RASGRF2: variants seen among roughly 807,000 people sequenced by gnomAD.
RASGRF2 encodes the protein Ras protein specific guanine nucleotide releasing factor 2, also known as ras-specific guanine nucleotide-releasing factor 2.
A neutral mutation model predicts 151.0 loss-of-function variants in RASGRF2; 76 were observed. The observed-to-expected ratio is 0.50, with a 90% CI of 0.42 to 0.61. The LOEUF (loss-of-function observed/expected upper bound fraction) is 0.61, where lower values mean the gene tolerates loss of function less well. Ranked by LOEUF, RASGRF2 falls within the 20% of genes least tolerant of loss-of-function variation. RASGRF2 has a pLI of 0.00. For synonymous variants in RASGRF2, 504 were observed against 566.5 expected, an observed-to-expected ratio of 0.89 and a Z score of 1.57; for missense variants, 1,148 against 1,564.6, an observed-to-expected ratio of 0.73 and a Z score of 4.49.
At chr5:81,085,721 G>A (rs376160182) in intron 7 of RASGRF2, 81 bp from the exon 8 acceptor site, 5 of 1,559,308 alleles carry the variant, frequency 3.2e-6, no homozygotes, top group East Asian at 4.6e-5. Flanking sequence ...CAAGCTTCTC[G>A]AAGCAATGAT....
intron 17 of RASGRF2, among the ~76,000 whole-genome samples, chr5:81,154,050 TA>T (rs1425510969): frequency 3.3e-5 from 5 of 151,800 alleles, no homozygotes; most frequent in Admixed American, 6.6e-5. Flanking sequence ...AACAGAGCCC[TA>T]AATACACGAA....
In RASGRF2 at chr5:80,960,674, C is replaced by G; in HGVS notation, c.-65C>G. On this transcript the variant is annotated 5_prime_UTR_variant, in exon 1 of 27. Transcript: ENST00000265080. This position sits in a 1 kb window ranked among gnomAD's most constrained non-coding sequence, Gnocchi z 5.5. Reference sequence around the variant, plus strand: ...GCGGTCGCGCCCTCGAGGGAGCCAGCTGGGCCATGGCCGCGAGGCAGGGGT... The same window carrying G: ...GCGGTCGCGCCCTCGAGGGAGCCAGGTGGGCCATGGCCGCGAGGCAGGGGT... 2.2e-6 allele frequency: 3 copies of G among 1,340,076 alleles called. No homozygotes were observed. The allele number at this position is 1,340,076 out of a possible 1,614,324, so 83.0% of individuals were successfully genotyped here. A position where few individuals can be genotyped will look rare whatever the true frequency, so the allele number is the denominator to read the frequency against.
chr5:81,131,851 C>A (rs1753629847), intron 17 of RASGRF2, among the ~76,000 whole-genome samples: 1 of 152,166 alleles, frequency 6.6e-6, no homozygotes, highest in African/African-American at 2.4e-5. Context: ...AATGTGGTAA[C>A]CTTTCAGGGA....
chr5:81,199,527 C>T (rs1167194011), intron 18 of RASGRF2, among the ~76,000 whole-genome samples: 1 of 152,286 alleles, frequency 6.6e-6, no homozygotes. Flanking sequence ...TTCTCTAATA[C>T]ACTTCATTCA....
At chr5:80,973,472 A>T (rs1359748009) in intron 1 of RASGRF2, among the ~76,000 whole-genome samples, 2 of 152,162 alleles carry the variant, frequency 1.3e-5, no homozygotes, top group Non-Finnish European at 2.9e-5. Context: ...ATAATTCCTT[A>T]GTCACACCTA....
At chr5:81,020,692 G>T (rs1382877149) in intron 1 of RASGRF2, among the ~76,000 whole-genome samples, 1 of 152,192 alleles carries the variant, frequency 6.6e-6, no homozygotes, top group East Asian at 1.9e-4. Context: ...GAGTCCTGGT[G>T]TTACATTTCA....
At chr5:81,102,697 A>C (rs62367272) in intron 12 of RASGRF2, among the ~76,000 whole-genome samples, 5 of 132,100 alleles carry the variant, frequency 3.8e-5, no homozygotes, top group South Asian at 2.4e-4. Context: ...TCTGTCTCCC[A>C]AAAAAAAAAA....
chr5:81,118,260 C>G (rs75032628), intron 15 of RASGRF2, among the ~76,000 whole-genome samples: 4,618 of 152,306 alleles, frequency 0.03, 243 homozygotes, highest in African/African-American at 0.1. Context: ...GGAAGCTGTG[C>G]CTTCACAGCT....
At chr5:81,194,744 G>A (rs1755224722) in intron 18 of RASGRF2, among the ~76,000 whole-genome samples, 1 of 152,120 alleles carries the variant, frequency 6.6e-6, no homozygotes, top group South Asian at 2.1e-4. Context: ...GTCCCCAAGG[G>A]GGGCCCCTTG....
chr5:81,065,223 T>C (rs768441661), intron 2 of RASGRF2, among the ~76,000 whole-genome samples: 1 of 152,208 alleles, frequency 6.6e-6, no homozygotes, highest in Non-Finnish European at 1.5e-5. Context: ...AAATATATGT[T>C]GATTTAAGAG....
At chr5:81,086,681 T>A (rs1387850029) in intron 8 of RASGRF2, among the ~76,000 whole-genome samples, 154 bp from the exon 9 acceptor site, 1 of 152,188 alleles carries the variant, frequency 6.6e-6, no homozygotes, top group African/African-American at 2.4e-5. Flanking sequence ...CATGACCTGT[T>A]GAAGCCTGGA....
chr5:81,209,563 G>A (rs1018497906), intron 22 of RASGRF2, among the ~76,000 whole-genome samples: 3 of 152,196 alleles, frequency 2.0e-5, no homozygotes, highest in Non-Finnish European at 4.4e-5. Flanking sequence ...CAAAGCACGT[G>A]GATGCTGTGT....
At chr5:80,965,056 T>C (rs957502732) in intron 1 of RASGRF2, among the ~76,000 whole-genome samples, 4 of 152,070 alleles carry the variant, frequency 2.6e-5, no homozygotes, top group African/African-American at 9.7e-5. Flanking sequence ...TTTAAAGAAG[T>C]AGACATTTGC....
intron 1 of RASGRF2, among the ~76,000 whole-genome samples, chr5:80,996,783 G>T (rs1010385185): frequency 2.0e-5 from 3 of 150,750 alleles, no homozygotes; most frequent in African/African-American, 7.3e-5. Context: ...TCTTTTTAGT[G>T]GAGATGGGGT....
rs1190083818 is a variant in RASGRF2, at chr5:81,125,817, A to G, written c.2597-1257A>G. Among the ~76,000 whole-genome samples, 5 of 152,376 alleles carry G rather than the reference A, an allele frequency of 3.3e-5. No individual in the cohort carries two copies. The East Asian group carries it at 9.6e-4, about 29-fold the overall frequency. On this transcript the variant is annotated intron_variant, in intron 16 of 26. Transcript: ENST00000265080. ...CCAAATCCTTTGTTTCTTCCCTGATATAACTAAATCATAGAGACATAGAAA... is the reference window on the plus strand; with the variant it reads ...CCAAATCCTTTGTTTCTTCCCTGATGTAACTAAATCATAGAGACATAGAAA...
intron 9 of RASGRF2, among the ~76,000 whole-genome samples, chr5:81,090,764 G>A (rs1029489173): frequency 1.1e-4 from 17 of 152,042 alleles, no homozygotes; most frequent in African/African-American, 3.6e-4. Context: ...AGCTAACAGC[G>A]TATTCTGTAA....
chr5:81,217,004 T>C (rs935523815), intron 24 of RASGRF2: 10 of 457,516 alleles, frequency 2.2e-5, no homozygotes, highest in African/African-American at 2.0e-4. Context: ...GGTAAGACCA[T>C]AGAGGTTTCC....
chr5:80,961,175 C>A, intron 1 of RASGRF2, 149 bp downstream of exon 1: 1 of 899,616 alleles, frequency 1.1e-6, no homozygotes, highest in Non-Finnish European at 1.6e-6. Flanking sequence ...GGGACATCTC[C>A]ACGCTCCTTC....
chr5:81,135,404 C>G (rs1479145429), intron 17 of RASGRF2, among the ~76,000 whole-genome samples: 1 of 152,150 alleles, frequency 6.6e-6, no homozygotes, highest in African/African-American at 2.4e-5. Flanking sequence ...TTCCCCAAGC[C>G]CTTTAGCTGT....
Sources: allele counts gnomAD v4.1 joint callset (sites outside exome capture counted in the v4.1 genomes callset), GRCh38; gene constraint gnomAD v4.1.1; non-coding constraint Gnocchi (gnomAD v3.1); transcripts MANE v1.5; gene names NCBI Gene and HGNC (gene_info 2026-07-23, HGNC 2026-07-21).